The following MAP2K2 variants were observed in gnomAD, a reference collection of about 807,000 sequenced individuals.
MAP2K2 encodes the protein dual specificity mitogen-activated protein kinase kinase 2.
Under a neutral mutation model 43.7 loss-of-function variants are expected in MAP2K2, and 24 were observed. That is an observed-to-expected ratio of 0.55 (90% CI 0.40 to 0.77). The LOEUF is 0.77. Ranked by LOEUF, MAP2K2 falls within the 30% of genes least tolerant of loss-of-function variation. The pLI, the probability that MAP2K2 is intolerant of heterozygous loss-of-function variation, is 0.00. For missense variants in MAP2K2, 470 were observed against 566.8 expected (o/e 0.83, Z 1.73); for synonymous variants, 244 against 239.7 (o/e 1.02, Z -0.17).
Position 4,110,605 on chromosome 19 carries a change from C to T in MAP2K2, c.354G>A (p.Glu118=), listed in dbSNP as rs2145070099. 1.9e-6 allele frequency: 3 copies of T among 1,613,956 alleles called. No homozygotes were observed. Among genetic ancestry groups the T allele is most frequent in the Non-Finnish European group, 1.7e-6 (2 of 1,180,028 alleles). Residue 118 remains glutamate, a synonymous_variant, in exon 3 of 11, where the codon GAG becomes GAA. Transcript: ENST00000262948. ...KPAIRNQIIR[E]LQVLHECNSP... ...AGTTGCATTCGTGCAGGACCTGCAG[C>T]TCGCGGATGATCTGGTTCCGGATGG...
intron 2 of MAP2K2, among the ~76,000 whole-genome samples, chr19:4,114,073 G>A (rs748232700): frequency 2.5e-4 from 38 of 152,184 alleles, no homozygotes; most frequent in Non-Finnish European, 5.0e-4. Context: ...CGGGAGGATC[G>A]CTTCAGGCCA....
chr19:4,123,833 T>G lies in MAP2K2; in HGVS notation c.43A>C (p.Asn15His), dbSNP rs1217991816. 6.5e-7 allele frequency: 1 copy of G among 1,544,616 alleles called. No individual in the cohort carries two copies. The highest frequency in any genetic ancestry group is 8.7e-7 in the Non-Finnish European group (1 of 1,149,748). Residue 15 changes from asparagine (N) to histidine (H), a missense_variant, in exon 1 of 11, where the codon AAC becomes CAC. Asn to His is a moderately conservative substitution (Grantham distance 68). Coordinates refer to ENST00000262948, the MANE Select transcript of MAP2K2 (RefSeq NM_030662.4). ...RKPVLPALTI[N>H]PTIAEGPSPT... ...GATGGGCCCTCGGCGATGGTAGGGT[T>G]GATGGTGAGCGCCGGCAGCACCGGC...
In MAP2K2 at chr19:4,123,929, C is replaced by A. The variant is rs909323139; in HGVS notation, c.-54G>T. The A allele has an allele frequency of 8.3e-5, 93 of 1,126,042 alleles. No individual in the cohort carries two copies. The highest frequency in any genetic ancestry group is 1.0e-4 in the Non-Finnish European group (89 of 880,940). 69.8% of individuals were successfully genotyped at this position (1,126,042 alleles called of 1,614,324 possible). ...GCCTCTAGCCGGGGCCCATAGGGGG[C>A]GGGCCGGGAGCGGTCGGCGCCTACG... On this transcript the variant is annotated 5_prime_UTR_variant, in exon 1 of 11. Coordinates refer to ENST00000262948, the MANE Select transcript of MAP2K2 (RefSeq NM_030662.4).
intron 7 of MAP2K2, among the ~76,000 whole-genome samples, chr19:4,098,762 G>A (rs555057606): frequency 1.0e-3 from 157 of 152,340 alleles, no homozygotes; most frequent in Non-Finnish European, 1.7e-3. Context: ...AGGCCACTGA[G>A]GGCCATGCCA....
intron 2 of MAP2K2, among the ~76,000 whole-genome samples, chr19:4,111,928 G>T (rs1242638078): frequency 6.6e-6 from 1 of 152,150 alleles, no homozygotes; most frequent in East Asian, 1.9e-4. Flanking sequence ...ACTCCAGCCT[G>T]GGGGACAAGA....
At chr19:4,123,750 AC>A in intron 1 of MAP2K2, 33 bp downstream of exon 1, 1 of 1,447,942 alleles carries the variant, frequency 6.9e-7, no homozygotes, top group East Asian at 2.9e-5. Context: ...TGCCCCGTGC[AC>A]CCCAAGCCTC....
chr19:4,102,538 G>T (rs1208823024), intron 3 of MAP2K2, 85 bp from the exon 4 acceptor site: 19 of 1,109,630 alleles, frequency 1.7e-5, no homozygotes, highest in East Asian at 2.6e-5. Flanking sequence ...CGGCGAGGGG[G>T]TGGTCTGCCT....
At chr19:4,108,673 C>G (rs1012863133) in intron 3 of MAP2K2, among the ~76,000 whole-genome samples, 5 of 152,124 alleles carry the variant, frequency 3.3e-5, no homozygotes, top group Non-Finnish European at 7.4e-5. Flanking sequence ...TGGGAACCCC[C>G]ATTTTAAATT....
chr19:4,104,266 A>AC (rs1482158981), intron 3 of MAP2K2, among the ~76,000 whole-genome samples: 1 of 66,900 alleles, frequency 1.5e-5, no homozygotes, highest in Non-Finnish European at 2.8e-5. Flanking sequence ...CTCCTCAATT[A>AC]AAAAAAAAAA....
intron 10 of MAP2K2, among the ~76,000 whole-genome samples, chr19:4,093,688 G>A (rs117439841): frequency 3.0e-4 from 45 of 152,066 alleles, no homozygotes; most frequent in Non-Finnish European, 6.2e-4. Flanking sequence ...GACTCTGTCC[G>A]ACTCTCAAGA....
chr19:4,100,932 G>T, intron 6 of MAP2K2, 87 bp downstream of exon 6: 1 of 1,472,990 alleles, frequency 6.8e-7, no homozygotes, highest in Middle Eastern at 2.4e-4. Context: ...AGCTGAGGGG[G>T]AGAGCTGGCT....
At chr19:4,113,510 G>A (rs894089162) in intron 2 of MAP2K2, among the ~76,000 whole-genome samples, 12 of 152,186 alleles carry the variant, frequency 7.9e-5, no homozygotes, top group Admixed American at 7.9e-4. Flanking sequence ...CTGCCCCACT[G>A]GTGCTGACTG....
chr19:4,101,898 C>T lies in MAP2K2; in HGVS notation c.528+478G>A, dbSNP rs189451536. On this transcript the variant is annotated intron_variant, in intron 4 of 10. Coordinates refer to ENST00000262948, the MANE Select transcript of MAP2K2 (RefSeq NM_030662.4). The surrounding 1 kb of genome is among the most constrained non-coding windows in gnomAD (Gnocchi z 6.3). The stretch of plus-strand genomic sequence containing the variant: ...AAGGTGCAAGCTCCAAGAAGCAACA[C>T]GCACGGTCTGCTGAAACCACACGGC... 8.2e-4 allele frequency among the ~76,000 whole-genome samples: 125 copies of T among 152,284 alleles called. 1 individual carries two copies. The highest frequency in any genetic ancestry group is 3.5e-3 in the South Asian group (17 of 4,828).
chr19:4,107,523 C>CA (rs71166959), intron 3 of MAP2K2, among the ~76,000 whole-genome samples: 2,251 of 58,868 alleles, frequency 0.038, 156 homozygotes, highest in African/African-American at 0.14. Flanking sequence ...GACTCCGTCT[C>CA]AAAAAAAAAA....
At chr19:4,102,315 G>C (rs576696995) in intron 4 of MAP2K2, 61 bp downstream of exon 4, 1 of 1,411,482 alleles carries the variant, frequency 7.1e-7, no homozygotes, top group Non-Finnish European at 9.7e-7. Context: ...AACCCTGGCC[G>C]TGTGGAAGAG....
intron 1 of MAP2K2, among the ~76,000 whole-genome samples, chr19:4,123,395 C>T (rs1364760274): frequency 1.3e-5 from 2 of 151,978 alleles, no homozygotes; most frequent in Non-Finnish European, 2.9e-5. Context: ...TAGAGACATC[C>T]TTCACCCCAA....
At position 4,120,857 on chromosome 19, in the gene MAP2K2, T is replaced by C. The variant is rs1039159258; in HGVS notation, c.92+2927A>G. 1.4e-5 allele frequency among the ~76,000 whole-genome samples: 2 copies of C among 145,386 alleles called. 1 individual carries two copies. The highest frequency in any genetic ancestry group is 4.9e-5 in the African/African-American group (2 of 40,872). On this transcript the variant is annotated intron_variant, in intron 1 of 10. Coordinates refer to ENST00000262948, the MANE Select transcript of MAP2K2 (RefSeq NM_030662.4). The stretch of plus-strand genomic sequence containing the variant: ...AGAGAAATGTGAAGGGCGAGTTCTG[T>C]GCAGAGAATGAGGAACGGGTCCCCG...
intron 3 of MAP2K2, among the ~76,000 whole-genome samples, chr19:4,109,193 C>T (rs560581759): frequency 6.6e-6 from 1 of 152,112 alleles, no homozygotes; most frequent in Non-Finnish European, 1.5e-5. Flanking sequence ...GTGGCGGGGT[C>T]GGCAGCATTT....
chr19:4,090,732 G>C, intron 10 of MAP2K2, 24 bp from the exon 11 acceptor site: 1 of 1,502,414 alleles, frequency 6.7e-7, no homozygotes, highest in Non-Finnish European at 9.1e-7. Flanking sequence ...GGAGCCGTGA[G>C]CACCCGGGCC....
Sources: gnomAD v4.1 joint callset for allele counts (sites outside exome capture counted in the v4.1 genomes callset) on GRCh38, gnomAD v4.1.1 for gene constraint, Gnocchi (gnomAD v3.1) non-coding constraint, MANE v1.5 for transcripts, NCBI Gene and HGNC (gene_info 2026-07-23, HGNC 2026-07-21) for gene names.